Variants in RBFOX1 observed in about 807,000 individuals in gnomAD.
RBFOX1 encodes the protein RNA binding protein fox-1 homolog 1.
RBFOX1 carries 8 observed loss-of-function variants against 57.7 expected under a neutral mutation model. The ratio of observed to expected loss-of-function variants is 0.14; its 90% CI spans 0.08 to 0.25. RBFOX1 has a LOEUF of 0.25. Among genes scored for constraint, RBFOX1 ranks in the 10% least tolerant of loss-of-function variants. RBFOX1 has a pLI of 1.00. For missense variants in RBFOX1, 611 were observed against 548.5 expected (o/e 1.11, Z -1.14); for synonymous variants, 326 against 222.4 (o/e 1.47, Z -4.15).
chr16:6,502,228 T>G (rs546115422), intron 2 of RBFOX1, among the ~76,000 whole-genome samples: 2 of 152,192 alleles, frequency 1.3e-5, no homozygotes, highest in African/African-American at 4.8e-5. Flanking sequence ...CAGATCCATC[T>G]GTAGGGATCT....
chr16:6,219,414 C>T (rs574565817), intron 1 of RBFOX1, among the ~76,000 whole-genome samples: 3 of 152,296 alleles, frequency 2.0e-5, no homozygotes, highest in Admixed American at 6.5e-5. Flanking sequence ...TGCCACGACA[C>T]TCCAGCCTGG....
chr16:7,074,904 G>T (rs971115664), intron 4 of RBFOX1, among the ~76,000 whole-genome samples: 1 of 152,128 alleles, frequency 6.6e-6, no homozygotes, highest in East Asian at 1.9e-4. Flanking sequence ...CCATCCCCCA[G>T]TGAGACATTG....
intron 4 of RBFOX1, among the ~76,000 whole-genome samples, chr16:5,893,755 AAGATT>A (rs1162864420): frequency 1.3e-5 from 2 of 152,116 alleles, no homozygotes; most frequent in Admixed American, 1.3e-4. Context: ...GCAGTGAGCC[AAGATT>A]GCGCCACTGC....
intron 4 of RBFOX1, among the ~76,000 whole-genome samples, chr16:7,460,407 G>C (rs1215265951): frequency 7.7e-5 from 5 of 64,864 alleles, no homozygotes; most frequent in African/African-American, 1.1e-4. Context: ...GTGTGTGTGT[G>C]TGTGTGTGTG....
At chr16:6,872,693 A>T (rs1017721920) in intron 3 of RBFOX1, among the ~76,000 whole-genome samples, 1 of 152,222 alleles carries the variant, frequency 6.6e-6, no homozygotes, top group East Asian at 1.9e-4. Flanking sequence ...ATTATAATCC[A>T]GGGTAAGCTA....
At chr16:7,438,598 G>C (rs1239652685) in intron 4 of RBFOX1, among the ~76,000 whole-genome samples, 2 of 152,120 alleles carry the variant, frequency 1.3e-5, no homozygotes, top group African/African-American at 4.8e-5. Flanking sequence ...ACTTGTGTGC[G>C]TGTCTGCATT....
intron 4 of RBFOX1, among the ~76,000 whole-genome samples, chr16:7,361,650 G>A (rs916518636): frequency 2.0e-5 from 3 of 152,204 alleles, no homozygotes; most frequent in African/African-American, 7.2e-5. Flanking sequence ...GGAGACAGCA[G>A]GGAAGGATGC....
chr16:6,854,874 G>C (rs968140533), intron 3 of RBFOX1, among the ~76,000 whole-genome samples: 1 of 151,976 alleles, frequency 6.6e-6, no homozygotes, highest in Non-Finnish European at 1.5e-5. Flanking sequence ...GATTACAGGC[G>C]TGAGCCACCG....
chr16:5,834,739 A>ATAGG (rs2151834450), intron 3 of RBFOX1, among the ~76,000 whole-genome samples: 1 of 138,022 alleles, frequency 7.2e-6, no homozygotes, highest in East Asian at 2.0e-4. Context: ...AGATACATAC[A>ATAGG]TACATACATA....
chr16:6,483,137 T>G (rs1420896796), intron 2 of RBFOX1: 4 of 1,055,282 alleles, frequency 3.8e-6, no homozygotes, highest in Non-Finnish European at 4.6e-6. Context: ...TTCCCCCAGC[T>G]GCAAGAGTTT....
chr16:6,765,752 T>C (rs190814042), intron 3 of RBFOX1, among the ~76,000 whole-genome samples: 1 of 152,188 alleles, frequency 6.6e-6, no homozygotes, highest in Admixed American at 6.5e-5. Flanking sequence ...CAGCAACCAA[T>C]AAGTAGATAA....
intron 4 of RBFOX1, among the ~76,000 whole-genome samples, chr16:7,217,362 C>G (rs2092282902): frequency 7.3e-6 from 1 of 137,664 alleles, no homozygotes; most frequent in African/African-American, 2.7e-5. Flanking sequence ...AACTCCTGAC[C>G]TTAGGTGATG....
chr16:5,498,782 C>A (rs760274068), intron 2 of RBFOX1, among the ~76,000 whole-genome samples: 1 of 152,218 alleles, frequency 6.6e-6, no homozygotes, highest in Non-Finnish European at 1.5e-5. Flanking sequence ...TATATTTTTG[C>A]GTCTGGGCCT....
intron 3 of RBFOX1, among the ~76,000 whole-genome samples, chr16:6,814,034 T>C (rs535300533): frequency 2.7e-5 from 3 of 112,340 alleles, no homozygotes; most frequent in African/African-American, 8.8e-5. Flanking sequence ...GGAAATTAGA[T>C]TCAAACATAA....
At chr16:5,962,361 G>T (rs2059766761) in intron 4 of RBFOX1, among the ~76,000 whole-genome samples, 1 of 152,042 alleles carries the variant, frequency 6.6e-6, no homozygotes, top group African/African-American at 2.4e-5. Flanking sequence ...ACTATGCTTT[G>T]TCATCCCAGT....
intron 1 of RBFOX1, among the ~76,000 whole-genome samples, chr16:6,149,650 G>C (rs2096783966): frequency 1.3e-5 from 2 of 152,142 alleles, no homozygotes; most frequent in Non-Finnish European, 2.9e-5. Context: ...GCTGTGTCTT[G>C]CTGCTTTCCT....
At chr16:7,111,599 G>T (rs1567300680) in intron 4 of RBFOX1, among the ~76,000 whole-genome samples, 1 of 152,156 alleles carries the variant, frequency 6.6e-6, no homozygotes, top group Non-Finnish European at 1.5e-5. Context: ...ATAAAGCAGT[G>T]TCTGAGTATC....
chr16:7,095,163 G>A (rs2151210401), intron 4 of RBFOX1, among the ~76,000 whole-genome samples: 1 of 152,146 alleles, frequency 6.6e-6, no homozygotes, highest in Middle Eastern at 3.4e-3. Context: ...CCAGGCTGGA[G>A]TTTCACTCTG....
At chr16:5,994,292 G>A (rs561745136) in intron 4 of RBFOX1, among the ~76,000 whole-genome samples, 1 of 152,184 alleles carries the variant, frequency 6.6e-6, no homozygotes, top group Non-Finnish European at 1.5e-5. Flanking sequence ...CTCCTTAGTA[G>A]CTGGGATTAT....
Sources: allele counts gnomAD v4.1 joint callset (sites outside exome capture counted in the v4.1 genomes callset), GRCh38; gene constraint gnomAD v4.1.1; transcripts MANE v1.5; gene names NCBI Gene and HGNC (gene_info 2026-07-23, HGNC 2026-07-21).